The following INPP4B variants were observed in gnomAD, a reference collection of about 807,000 sequenced individuals.
INPP4B encodes inositol polyphosphate 4-phosphatase type II.
In INPP4B, 55 loss-of-function variants were observed where a neutral mutation model predicts 122.5. The ratio of observed to expected loss-of-function variants is 0.45; its 90% CI spans 0.36 to 0.56. INPP4B has a LOEUF of 0.56. Ranked by LOEUF, INPP4B falls within the 20% of genes least tolerant of loss-of-function variation. INPP4B has a pLI of 0.00. For missense variants in INPP4B, 1,000 were observed against 1,097.7 expected (o/e 0.91, Z 1.26); for synonymous variants, 403 against 388.7 (o/e 1.04, Z -0.43).
At chr4:142,601,746 G>C (rs1282065004) in intron 2 of INPP4B, among the ~76,000 whole-genome samples, 1 of 151,896 alleles carries the variant, frequency 6.6e-6, no homozygotes, top group African/African-American at 2.4e-5. Flanking sequence ...GAGGTGCGCA[G>C]ATCATGAGGT....
At chr4:142,803,937 T>C (rs2151097631) in intron 1 of INPP4B, among the ~76,000 whole-genome samples, 1 of 152,106 alleles carries the variant, frequency 6.6e-6, no homozygotes, top group Admixed American at 6.5e-5. Flanking sequence ...CATGTGCCTA[T>C]AATCCTAGCT....
At chr4:142,454,004 G>C (rs1228604029) in intron 3 of INPP4B, among the ~76,000 whole-genome samples, 1 of 151,818 alleles carries the variant, frequency 6.6e-6, no homozygotes, top group Admixed American at 6.6e-5. Flanking sequence ...GATGAACTGG[G>C]GTATATAAAG....
intron 2 of INPP4B, among the ~76,000 whole-genome samples, chr4:142,567,002 T>C (rs548224518): frequency 6.6e-6 from 1 of 152,304 alleles, no homozygotes; most frequent in East Asian, 1.9e-4. Context: ...CTGGTCCATC[T>C]CAGAGACCAT....
intron 4 of INPP4B, 114 bp from the exon 5 acceptor site, chr4:142,429,331 G>C (rs1237286151): frequency 1.7e-6 from 1 of 589,136 alleles, no homozygotes; most frequent in Non-Finnish European, 3.0e-6. Flanking sequence ...GTATTTGGCA[G>C]AATGAATAAA....
chr4:142,303,606 T>C (rs1308442076), intron 9 of INPP4B, among the ~76,000 whole-genome samples: 1 of 152,102 alleles, frequency 6.6e-6, no homozygotes, highest in Non-Finnish European at 1.5e-5. Context: ...ACGATAAATC[T>C]ATAATCTGTC....
At chr4:142,132,122 A>G (rs1337873970) in intron 18 of INPP4B, among the ~76,000 whole-genome samples, 1 of 152,216 alleles carries the variant, frequency 6.6e-6, no homozygotes, top group South Asian at 2.1e-4. Flanking sequence ...TCTGCATATG[A>G]TTCCACAGTG....
intron 2 of INPP4B, chr4:142,566,021 C>A (rs1194348194): frequency 1.3e-5 from 2 of 152,196 alleles, no homozygotes; most frequent in African/African-American, 4.8e-5. Flanking sequence ...TCATTCAGTT[C>A]ACAAAGAGAT....
At chr4:142,834,905 T>A (rs902927467) in intron 1 of INPP4B, among the ~76,000 whole-genome samples, 1 of 152,174 alleles carries the variant, frequency 6.6e-6, no homozygotes, top group African/African-American at 2.4e-5. Context: ...AAAAGAAACA[T>A]GTAAACTGAA....
intron 9 of INPP4B, among the ~76,000 whole-genome samples, chr4:142,272,745 T>C (rs963787357): frequency 4.1e-4 from 62 of 152,158 alleles, no homozygotes; most frequent in African/African-American, 1.4e-3. Flanking sequence ...TACTTAGTAG[T>C]TAAATAAAGC....
intron 5 of INPP4B, among the ~76,000 whole-genome samples, chr4:142,424,510 C>T (rs1807606058): frequency 6.6e-6 from 1 of 152,000 alleles, no homozygotes; most frequent in South Asian, 2.1e-4. Context: ...ACACACCTTC[C>T]AATCTTGTTA....
At chr4:142,081,940 G>A in intron 25 of INPP4B, 91 bp downstream of exon 25, 3 of 841,276 alleles carry the variant, frequency 3.6e-6, no homozygotes, top group Non-Finnish European at 3.4e-6. Context: ...AAAATATTTA[G>A]TCCTCCAATA....
chr4:142,547,689 T>C (rs1358455344), intron 2 of INPP4B, among the ~76,000 whole-genome samples: 2 of 152,202 alleles, frequency 1.3e-5, no homozygotes, highest in Non-Finnish European at 2.9e-5. Flanking sequence ...CACTGGCTAG[T>C]AGAAAAATAC....
At chr4:142,374,479 T>C (rs1376106992) in intron 7 of INPP4B, among the ~76,000 whole-genome samples, 1 of 151,910 alleles carries the variant, frequency 6.6e-6, no homozygotes. Context: ...GCTTTCCATA[T>C]TGCAAATTTT....
intron 2 of INPP4B, among the ~76,000 whole-genome samples, chr4:142,688,635 G>C (rs1256453871): frequency 6.6e-6 from 1 of 152,128 alleles, no homozygotes; most frequent in Non-Finnish European, 1.5e-5. Context: ...GGCATAGGCT[G>C]AACTAACTTT....
intron 2 of INPP4B, among the ~76,000 whole-genome samples, chr4:142,693,890 C>T (rs572474953): frequency 1.3e-5 from 2 of 152,062 alleles, no homozygotes; most frequent in South Asian, 2.1e-4. Flanking sequence ...GAAGAAAAAG[C>T]CTTGAAAACT....
intron 2 of INPP4B, among the ~76,000 whole-genome samples, chr4:142,622,683 A>ACT (rs1453241215): frequency 3.3e-5 from 5 of 151,964 alleles, no homozygotes; most frequent in Non-Finnish European, 7.4e-5. Context: ...AAGAGAAGGA[A>ACT]CTTGGTTGAT....
At chr4:142,312,413 G>A (rs1317279583) in intron 8 of INPP4B, among the ~76,000 whole-genome samples, 1 of 152,162 alleles carries the variant, frequency 6.6e-6, no homozygotes, top group Non-Finnish European at 1.5e-5. Flanking sequence ...AGCCAAGAGG[G>A]TCTGGTGCCA....
At chr4:142,141,568 C>T (rs1327851473) in intron 18 of INPP4B, among the ~76,000 whole-genome samples, 1 of 152,106 alleles carries the variant, frequency 6.6e-6, no homozygotes, top group East Asian at 1.9e-4. Context: ...TTCAGAACAG[C>T]ACAGAAAGTT....
At chr4:142,480,538 A>G (rs1820381332) in intron 2 of INPP4B, among the ~76,000 whole-genome samples, 2 of 152,174 alleles carry the variant, frequency 1.3e-5, no homozygotes, top group Non-Finnish European at 2.9e-5. Flanking sequence ...CAATTATACA[A>G]CTTGGAAAAA....
Sources: allele counts gnomAD v4.1 joint callset (sites outside exome capture counted in the v4.1 genomes callset), GRCh38; gene constraint gnomAD v4.1.1; transcripts MANE v1.5; gene names NCBI Gene and HGNC (gene_info 2026-07-23, HGNC 2026-07-21).